Variants in ADGRB3 observed in about 807,000 individuals in gnomAD.
ADGRB3 encodes the protein brain-specific angiogenesis inhibitor 3.
In ADGRB3, 37 loss-of-function variants were observed where a neutral mutation model predicts 193.4. The observed-to-expected ratio is 0.19, with a 90% CI of 0.15 to 0.25. The LOEUF is 0.25. ADGRB3 is among the 10% of genes least tolerant of loss of function. The pLI, the probability that ADGRB3 is intolerant of heterozygous loss-of-function variation, is 1.00. For missense variants in ADGRB3, 1,637 were observed against 1,852.9 expected (o/e 0.88, Z 2.14); for synonymous variants, 690 against 644.2 (o/e 1.07, Z -1.08).
chr6:68,999,206 T>C (rs1357073019), intron 11 of ADGRB3, among the ~76,000 whole-genome samples: 7 of 152,164 alleles, frequency 4.6e-5, no homozygotes, highest in Non-Finnish European at 8.8e-5. Context: ...TTTCCAAACC[T>C]TTGGACTGTC....
chr6:68,660,456 AT>A (rs1242663300), intron 3 of ADGRB3, among the ~76,000 whole-genome samples: 2 of 150,934 alleles, frequency 1.3e-5, no homozygotes, highest in African/African-American at 2.4e-5. Context: ...ATGAATAATC[AT>A]TATACACACA....
intron 17 of ADGRB3, among the ~76,000 whole-genome samples, chr6:69,153,219 C>T (rs114901769): frequency 9.5e-4 from 144 of 152,142 alleles, no homozygotes; most frequent in African/African-American, 3.3e-3. Context: ...GAGATTAACC[C>T]ATGGCAGAAA....
chr6:68,974,912 G>A, intron 9 of ADGRB3, 48 bp downstream of exon 9: 1 of 1,478,606 alleles, frequency 6.8e-7, no homozygotes, highest in Non-Finnish European at 9.4e-7. Flanking sequence ...CCCCATCCAA[G>A]AACAGCATGC....
intron 6 of ADGRB3, among the ~76,000 whole-genome samples, chr6:68,948,828 T>C (rs930034227): frequency 1.1e-4 from 16 of 152,134 alleles, no homozygotes; most frequent in African/African-American, 3.9e-4. Flanking sequence ...TCTTCATTTG[T>C]ATACTGACAT....
intron 20 of ADGRB3, among the ~76,000 whole-genome samples, chr6:69,298,049 A>G (rs2127295434): frequency 6.6e-6 from 1 of 152,228 alleles, no homozygotes; most frequent in East Asian, 1.9e-4. Context: ...GCAGGCACTC[A>G]GTGGTACTAA....
At chr6:68,726,724 C>T (rs184987336) in intron 3 of ADGRB3, among the ~76,000 whole-genome samples, 132 of 151,716 alleles carry the variant, frequency 8.7e-4, no homozygotes, top group Non-Finnish European at 1.3e-3. Flanking sequence ...AAGATTCTGG[C>T]CCTACATGTC....
chr6:69,302,298 A>G (rs1361154240), intron 20 of ADGRB3, among the ~76,000 whole-genome samples: 1 of 151,976 alleles, frequency 6.6e-6, no homozygotes, highest in East Asian at 1.9e-4. Context: ...TAAAGCTGCT[A>G]ATTTCCTAAC....
At chr6:68,889,754 G>A (rs9454635) in intron 3 of ADGRB3, among the ~76,000 whole-genome samples, 19,145 of 151,636 alleles carry the variant, frequency 0.13, 1,462 homozygotes, top group East Asian at 0.27. Context: ...CACCTGCCTC[G>A]GCCTCCCAAA....
intron 3 of ADGRB3, among the ~76,000 whole-genome samples, chr6:68,881,963 A>G (rs759911733): frequency 3.3e-5 from 5 of 152,170 alleles, no homozygotes; most frequent in African/African-American, 9.7e-5. Flanking sequence ...GTCTGTGACT[A>G]TAATAATCCA....
At chr6:68,935,743 C>T (rs145641616) in intron 4 of ADGRB3, among the ~76,000 whole-genome samples, 300 of 151,864 alleles carry the variant, frequency 2.0e-3, no homozygotes, top group Middle Eastern at 6.8e-3. Flanking sequence ...AAAAGAAATT[C>T]GACATAGTTT....
chr6:68,875,586 A>G (rs1765575633), intron 3 of ADGRB3, among the ~76,000 whole-genome samples: 1 of 151,938 alleles, frequency 6.6e-6, no homozygotes, highest in African/African-American at 2.4e-5. Context: ...ATTTTGTTTC[A>G]TTATGCTGAC....
intron 8 of ADGRB3, among the ~76,000 whole-genome samples, chr6:68,959,453 T>A (rs953860258): frequency 1.3e-5 from 2 of 152,284 alleles, no homozygotes; most frequent in African/African-American, 4.8e-5. Flanking sequence ...AACTACTGTT[T>A]ATTTTATACT....
In ADGRB3 at chr6:68,715,523, C is replaced by T. The variant is rs144556404; in HGVS notation, c.757+76091C>T. ...TCATGTGTACCAATAAGTGATGTAC[C>T]CATACTAGAGCCAAGGTTTTTCTCA... On this transcript the variant is annotated intron_variant, in intron 3 of 31. Transcript: ENST00000370598. Among the ~76,000 whole-genome samples the T allele has an allele frequency of 9.9e-5, 15 of 151,700 alleles. No individual in the cohort carries two copies. The South Asian group carries it at 1.7e-3, about 17-fold the overall frequency.
intron 11 of ADGRB3, among the ~76,000 whole-genome samples, chr6:69,001,485 A>T (rs1433235951): frequency 6.6e-6 from 1 of 152,156 alleles, no homozygotes; most frequent in Admixed American, 6.6e-5. Flanking sequence ...AATAACATGG[A>T]TTGGTGAGTA....
chr6:68,720,117 T>C (rs1765551323), intron 3 of ADGRB3, among the ~76,000 whole-genome samples: 1 of 151,924 alleles, frequency 6.6e-6, no homozygotes, highest in African/African-American at 2.4e-5. Flanking sequence ...AGGAATCAAC[T>C]ATGAATTGAT....
chr6:68,789,509 TC>T (rs1767054513), intron 3 of ADGRB3, among the ~76,000 whole-genome samples: 4 of 152,386 alleles, frequency 2.6e-5, no homozygotes. Flanking sequence ...TTGTAGAGTT[TC>T]TGCGGAGAGA....
In ADGRB3 at chr6:68,956,754, G is replaced by A. The variant is rs1451442520; in HGVS notation, c.1470G>A (p.Gln490=). Residue 490 remains glutamine, a synonymous_variant, in exon 8 of 32, where the codon CAG becomes CAA. Coordinates refer to ENST00000370598, the MANE Select transcript of ADGRB3 (RefSeq NM_001704.3). ...GTCAGGGTGCAGTGATAACAGGGCA[G>A]CAATGTGAAGGAACGGGCGAAGAAG... is the stretch of plus-strand genomic sequence containing the variant. ...RTCQGAVITG[Q]QCEGTGEEVR... is the part of the protein sequence containing the mutation. 6.2e-7 allele frequency: 1 copy of A among 1,614,032 alleles called. No individual in the cohort carries two copies. The highest frequency in any genetic ancestry group is 8.5e-7 in the Non-Finnish European group (1 of 1,179,980).
chr6:69,193,987 A>G (rs1351571744), intron 17 of ADGRB3, among the ~76,000 whole-genome samples: 3 of 151,970 alleles, frequency 2.0e-5, no homozygotes. Context: ...TGTCTTCTTC[A>G]TCATCATTCA....
rs193218030 is a variant in ADGRB3 at position 69,072,068 on chromosome 6, C to A, written c.2437-3927C>A. Among the ~76,000 whole-genome samples the A allele has an allele frequency of 1.3e-3, 192 of 151,924 alleles. 2 individuals carry two copies. The highest frequency in any genetic ancestry group is 4.6e-3 in the African/African-American group (189 of 41,472). ...ATTCATCATTGGTTGCTTTGTTTTC[C>A]GTGTCACATTCTTATTATTTAAGTG... On this transcript the variant is annotated intron_variant, in intron 16 of 31. Transcript: ENST00000370598.
Sources: gnomAD v4.1 joint callset for allele counts (sites outside exome capture counted in the v4.1 genomes callset) on GRCh38, gnomAD v4.1.1 for gene constraint, MANE v1.5 for transcripts, NCBI Gene and HGNC (gene_info 2026-07-23, HGNC 2026-07-21) for gene names.